SGCZ: variants seen among roughly 807,000 people sequenced by gnomAD.
The protein encoded by SGCZ is sarcoglycan zeta.
SGCZ carries 40 observed loss-of-function variants against 41.3 expected under a neutral mutation model. The ratio of observed to expected loss-of-function variants is 0.97; its 90% CI spans 0.75 to 1.26. The LOEUF (loss-of-function observed/expected upper bound fraction) is 1.26, where lower values mean the gene tolerates loss of function less well. Ranked by LOEUF, SGCZ falls within the 50% of genes most tolerant of loss-of-function variation. The pLI is 0.00. For missense variants in SGCZ, 552 were observed against 369.8 expected (o/e 1.49, Z -4.04); for synonymous variants, 206 against 137.5 (o/e 1.50, Z -3.49).
intron 5 of SGCZ, among the ~76,000 whole-genome samples, chr8:14,137,851 G>C (rs1803249169): frequency 6.6e-6 from 1 of 152,202 alleles, no homozygotes; most frequent in African/African-American, 2.4e-5. Context: ...TACTCCTCAA[G>C]AAGAGCAACC....
chr8:14,311,351 T>C (rs912775151), intron 3 of SGCZ, among the ~76,000 whole-genome samples: 9 of 152,050 alleles, frequency 5.9e-5, no homozygotes, highest in Admixed American at 4.6e-4. Context: ...CATAGAACAA[T>C]ATCATTCTGC....
chr8:15,167,805 G>C (rs1412191689), intron 1 of SGCZ, among the ~76,000 whole-genome samples: 1 of 152,142 alleles, frequency 6.6e-6, no homozygotes, highest in Non-Finnish European at 1.5e-5. Flanking sequence ...GCTTGTTCCT[G>C]TGAACCAACC....
At chr8:14,574,627 C>G (rs574182523) in intron 1 of SGCZ, among the ~76,000 whole-genome samples, 2 of 152,120 alleles carry the variant, frequency 1.3e-5, no homozygotes, top group Non-Finnish European at 2.9e-5. Flanking sequence ...CTTTATTGAA[C>G]CTAAGAATAA....
chr8:15,209,836 G>C (rs1801184641), intron 1 of SGCZ, among the ~76,000 whole-genome samples: 1 of 152,080 alleles, frequency 6.6e-6, no homozygotes, highest in African/African-American at 2.4e-5. Flanking sequence ...GCCCCCGGAA[G>C]TAAATATACA....
At chr8:14,550,613 T>G (rs1027610716) in intron 2 of SGCZ, among the ~76,000 whole-genome samples, 2 of 151,908 alleles carry the variant, frequency 1.3e-5, no homozygotes, top group Non-Finnish European at 2.9e-5. Context: ...AACCCAAAAC[T>G]GTTTTTTCCA....
At chr8:14,897,180 G>C (rs1805232437) in intron 1 of SGCZ, among the ~76,000 whole-genome samples, 2 of 148,098 alleles carry the variant, frequency 1.4e-5, no homozygotes, top group Admixed American at 6.8e-5. Context: ...ATAAATGAGA[G>C]AATCATGTAA....
chr8:14,184,840 G>C (rs1344769550), intron 4 of SGCZ, among the ~76,000 whole-genome samples: 1 of 152,100 alleles, frequency 6.6e-6, no homozygotes, highest in Middle Eastern at 3.2e-3. Context: ...TAACAAAAGT[G>C]CCCCTCTAAC....
intron 3 of SGCZ, among the ~76,000 whole-genome samples, chr8:14,265,511 A>T (rs1474431825): frequency 6.6e-6 from 1 of 152,166 alleles, no homozygotes; most frequent in Non-Finnish European, 1.5e-5. Context: ...TTTTCAAAAT[A>T]GACAATTCAG....
intron 1 of SGCZ, among the ~76,000 whole-genome samples, chr8:14,882,561 G>A (rs1332715698): frequency 1.3e-5 from 2 of 152,014 alleles, no homozygotes; most frequent in Non-Finnish European, 2.9e-5. Flanking sequence ...AAAGATGTTA[G>A]CCTGTTCCAC....
chr8:14,668,442 A>G (rs1298076792), intron 1 of SGCZ, among the ~76,000 whole-genome samples: 1 of 152,204 alleles, frequency 6.6e-6, no homozygotes, highest in Non-Finnish European at 1.5e-5. Flanking sequence ...GGTTAGCAAA[A>G]GAAACAATGG....
intron 1 of SGCZ, among the ~76,000 whole-genome samples, chr8:14,750,082 A>C (rs1299433450): frequency 6.6e-6 from 1 of 152,194 alleles, no homozygotes; most frequent in Non-Finnish European, 1.5e-5. Context: ...TCTTGGTCTT[A>C]ATAGTCCAAA....
rs140126002 is a variant in SGCZ at position 14,766,993 on chromosome 8, A to C, written c.40-212067T>G. Among the ~76,000 whole-genome samples the C allele has an allele frequency of 4.5e-3, 685 of 152,338 alleles. 1 individual carries two copies. The highest frequency in any genetic ancestry group is 0.01 in the East Asian group (54 of 5,186). ...TTGAAAAACATATAAATTCTTCAGA[A>C]ACTAAATTTGCAAACATCCCATGCT... On this transcript the variant is annotated intron_variant, in intron 1 of 7. Coordinates refer to ENST00000382080, the MANE Select transcript of SGCZ (RefSeq NM_139167.4).
intron 1 of SGCZ, among the ~76,000 whole-genome samples, chr8:14,706,634 T>C (rs1043186310): frequency 2.0e-5 from 3 of 152,226 alleles, no homozygotes; most frequent in East Asian, 1.9e-4. Context: ...CTGAGCCAAG[T>C]TGTGGGACTC....
chr8:14,870,041 C>A (rs1804088268), intron 1 of SGCZ, among the ~76,000 whole-genome samples: 1 of 152,116 alleles, frequency 6.6e-6, no homozygotes, highest in East Asian at 1.9e-4. Flanking sequence ...CCCCATCAAG[C>A]TACCATTGAC....
At chr8:15,196,658 A>T (rs1189160657) in intron 1 of SGCZ, among the ~76,000 whole-genome samples, 1 of 152,102 alleles carries the variant, frequency 6.6e-6, no homozygotes, top group Non-Finnish European at 1.5e-5. Flanking sequence ...ATTATACTTT[A>T]AGTTTTAGGG....
At chr8:14,646,936 C>G (rs1807241018) in intron 1 of SGCZ, among the ~76,000 whole-genome samples, 1 of 151,924 alleles carries the variant, frequency 6.6e-6, no homozygotes, top group South Asian at 2.1e-4. Context: ...TTTTAAGACT[C>G]TAGCTCCAGC....
At chr8:14,765,456 C>T (rs1800008250) in intron 1 of SGCZ, among the ~76,000 whole-genome samples, 1 of 152,074 alleles carries the variant, frequency 6.6e-6, no homozygotes, top group African/African-American at 2.4e-5. Flanking sequence ...AGGCCTGAAA[C>T]ATAATTTAAT....
intron 2 of SGCZ, among the ~76,000 whole-genome samples, chr8:14,469,169 T>C (rs1801139084): frequency 6.6e-6 from 1 of 152,154 alleles, no homozygotes. Flanking sequence ...AGGAAAAACA[T>C]GGCTTTTAAA....
chr8:15,087,113 C>A (rs1036872614), intron 1 of SGCZ, among the ~76,000 whole-genome samples: 1 of 152,028 alleles, frequency 6.6e-6, no homozygotes. Context: ...ACTTTTGTTA[C>A]CCTGTCCCTA....
Sources: allele counts gnomAD v4.1 joint callset (sites outside exome capture counted in the v4.1 genomes callset), GRCh38; gene constraint gnomAD v4.1.1; transcripts MANE v1.5; gene names NCBI Gene and HGNC (gene_info 2026-07-23, HGNC 2026-07-21).